Variants in TAFA5 observed in about 807,000 individuals in gnomAD.
TAFA5 encodes TAFA chemokine like family member 5, also known as chemokine-like protein TAFA-5.
A neutral mutation model predicts 15.3 loss-of-function variants in TAFA5; 6 were observed. The ratio of observed to expected loss-of-function variants is 0.39; its 90% confidence interval spans 0.21 to 0.77. TAFA5 has a LOEUF of 0.77. Among genes scored for constraint, TAFA5 ranks in the 30% least tolerant of loss-of-function variants. The pLI is 0.41. For synonymous variants in TAFA5, 103 were observed against 80.7 expected (o/e 1.28, Z -1.48); for missense variants, 161 against 193.1 (o/e 0.83, Z 0.98).
At chr22:48,595,017 C>T (rs78402253) in intron 1 of TAFA5, among the ~76,000 whole-genome samples, 2,614 of 152,226 alleles carry the variant, frequency 0.017, 89 homozygotes, top group African/African-American at 0.059. Context: ...GCACATAGAG[C>T]CCCAGCCAGG....
rs116168866 is a variant in TAFA5 at position 48,625,096 on chromosome 22, T to C, written c.113-21501T>C. ...CTTCACTGCACTCCAGCCTGGGAAA[T>C]AGAGTGAGACCCTGTCTTGAAAAAA... On this transcript the variant is annotated intron_variant, in intron 1 of 3. Transcript: ENST00000402357. Among the ~76,000 whole-genome samples, 1,259 of 146,352 alleles carry C rather than the reference T, an allele frequency of 8.6e-3. 19 individuals carry two copies. Among genetic ancestry groups the C allele is most frequent in the African/African-American group, 0.03 (1,164 of 39,376 alleles).
At chr22:48,644,937 A>G (rs1355142017) in intron 1 of TAFA5, among the ~76,000 whole-genome samples, 1 of 152,212 alleles carries the variant, frequency 6.6e-6, no homozygotes, top group African/African-American at 2.4e-5. Flanking sequence ...TGATCCCCAC[A>G]GGCTGGGAGC....
At chr22:48,735,614 G>A (rs977500164) in intron 3 of TAFA5, among the ~76,000 whole-genome samples, 6 of 152,218 alleles carry the variant, frequency 3.9e-5, no homozygotes, top group Non-Finnish European at 7.3e-5. Flanking sequence ...GCAGAAAGCA[G>A]TTAGGCACTC....
chr22:48,563,952 C>T (rs1394052449), intron 1 of TAFA5, among the ~76,000 whole-genome samples: 1 of 152,178 alleles, frequency 6.6e-6, no homozygotes, highest in Admixed American at 6.5e-5. Flanking sequence ...ACCGACGATG[C>T]TGTAGAAGGA....
intron 1 of TAFA5, among the ~76,000 whole-genome samples, chr22:48,540,964 G>A (rs9615341): frequency 0.54 from 81,422 of 151,658 alleles, 24,416 homozygotes; most frequent in Middle Eastern, 0.72. Flanking sequence ...CTGTGTGGAC[G>A]TGAGGCTCCA....
At chr22:48,714,285 G>A (rs1288187246) in intron 3 of TAFA5, among the ~76,000 whole-genome samples, 1 of 152,220 alleles carries the variant, frequency 6.6e-6, no homozygotes, top group African/African-American at 2.4e-5. Flanking sequence ...TGCTTTGAGT[G>A]CAAACTCAGC....
At chr22:48,626,580 G>C (rs1926032416) in intron 1 of TAFA5, among the ~76,000 whole-genome samples, 2 of 152,178 alleles carry the variant, frequency 1.3e-5, no homozygotes, top group Admixed American at 1.3e-4. Context: ...GTGCCCTCCA[G>C]ATAACAATTC....
intron 1 of TAFA5, among the ~76,000 whole-genome samples, chr22:48,625,862 G>T (rs538531591): frequency 6.6e-6 from 1 of 152,022 alleles, no homozygotes; most frequent in South Asian, 2.1e-4. Context: ...CTCTTTCCCC[G>T]CCAGAAACCC....
At chr22:48,709,057 G>A (rs535978526) in intron 3 of TAFA5, among the ~76,000 whole-genome samples, 29 of 152,316 alleles carry the variant, frequency 1.9e-4, no homozygotes, top group African/African-American at 6.7e-4. Context: ...AGATGGGCAA[G>A]GCGGCACTCC....
At chr22:48,551,985 G>A (rs1415247403) in intron 1 of TAFA5, among the ~76,000 whole-genome samples, 1 of 152,224 alleles carries the variant, frequency 6.6e-6, no homozygotes, top group African/African-American at 2.4e-5. Context: ...GGGCTCCTGC[G>A]GGAAGGCAGT....
At chr22:48,646,802 G>A (rs965386885) in intron 2 of TAFA5, 56 bp downstream of exon 2, 4 of 1,516,510 alleles carry the variant, frequency 2.6e-6, no homozygotes, top group African/African-American at 1.4e-5. Context: ...GTCACCAAAG[G>A]TGCCTCTTCC....
At chr22:48,717,389 C>T (rs745417897) in intron 3 of TAFA5, among the ~76,000 whole-genome samples, 10 of 152,156 alleles carry the variant, frequency 6.6e-5, no homozygotes, top group Non-Finnish European at 1.0e-4. Flanking sequence ...GAGCCCTGCA[C>T]GTACCTGTGC....
chr22:48,676,550 A>G lies in TAFA5; in HGVS notation c.262+29804A>G, dbSNP rs148228909. On this transcript the variant is annotated intron_variant, in intron 2 of 3. Transcript: ENST00000402357. ...TCGTTCAGGAGTCTACACGGCTCCC[A>G]CTCTCCAAGCCTGTGTGATGTCCAG... Among the ~76,000 whole-genome samples the G allele has an allele frequency of 1.7e-3, 259 of 151,968 alleles. 2 individuals carry two copies. The highest frequency in any genetic ancestry group is 6.0e-3 in the African/African-American group (250 of 41,424).
chr22:48,680,854 G>T (rs566965219), intron 2 of TAFA5, among the ~76,000 whole-genome samples: 1 of 152,202 alleles, frequency 6.6e-6, no homozygotes, highest in African/African-American at 2.4e-5. Context: ...GTGCTGGGCC[G>T]GGCACACCAA....
At chr22:48,633,419 G>A (rs985613472) in intron 1 of TAFA5, among the ~76,000 whole-genome samples, 3 of 152,094 alleles carry the variant, frequency 2.0e-5, no homozygotes, top group South Asian at 2.1e-4. Flanking sequence ...TATCTTCAGC[G>A]GGGCTCACCA....
intron 1 of TAFA5, among the ~76,000 whole-genome samples, chr22:48,554,012 C>G (rs1332248924): frequency 2.0e-5 from 3 of 152,244 alleles, no homozygotes; most frequent in African/African-American, 4.8e-5. Flanking sequence ...AAATGAGGTA[C>G]AAACCACAGG....
chr22:48,600,905 G>C (rs1172838360), intron 1 of TAFA5, among the ~76,000 whole-genome samples: 1 of 152,144 alleles, frequency 6.6e-6, no homozygotes, highest in Non-Finnish European at 1.5e-5. Flanking sequence ...GAGGTCGGTA[G>C]AGCCTGACAC....
At chr22:48,643,872 G>A (rs1345273234) in intron 1 of TAFA5, among the ~76,000 whole-genome samples, 5 of 152,346 alleles carry the variant, frequency 3.3e-5, no homozygotes, top group South Asian at 2.1e-4. Flanking sequence ...TGGCGGCAAC[G>A]CAGCCTGGAA....
chr22:48,569,081 A>C (rs1181384448), intron 1 of TAFA5, among the ~76,000 whole-genome samples: 1 of 151,966 alleles, frequency 6.6e-6, no homozygotes, highest in Non-Finnish European at 1.5e-5. Context: ...AGGAACCCTC[A>C]CTGGCCGTGG....
Sources: allele counts gnomAD v4.1 joint callset (sites outside exome capture counted in the v4.1 genomes callset), GRCh38; gene constraint gnomAD v4.1.1; transcripts MANE v1.5; gene names NCBI Gene and HGNC (gene_info 2026-07-23, HGNC 2026-07-21).